Variants in DCX observed in about 807,000 individuals in gnomAD.
DCX encodes neuronal migration protein doublecortin.
Under a neutral mutation model 20.9 loss-of-function variants are expected in DCX, and 4 were observed. That is an observed-to-expected ratio of 0.19 (90% confidence interval 0.09 to 0.44). The LOEUF is 0.44. Among genes scored for constraint, DCX ranks in the 20% least tolerant of loss-of-function variants. The pLI is 0.99. For synonymous variants in DCX, 103 were observed against 111.4 expected (o/e 0.92, Z 0.47); for missense variants, 133 against 296.9 (o/e 0.45, Z 4.06).
At chrX:111,330,813 G>T in intron 5 of DCX, 91 bp downstream of exon 5, 1 of 1,124,786 alleles carries the variant, frequency 8.9e-7, no homozygotes, top group Admixed American at 2.2e-5. Context: ...GAGACACAGT[G>T]GTGTTCATGA....
intron 3 of DCX, among the ~76,000 whole-genome samples, chrX:111,367,516 G>A (rs1014354284): frequency 9.0e-6 from 1 of 111,656 alleles, no homozygotes; most frequent in African/African-American, 3.3e-5. Context: ...GCTAAATGCT[G>A]GACTACCTCC....
At chrX:111,303,531 T>C (rs2095038662) in intron 6 of DCX, among the ~76,000 whole-genome samples, 1 of 111,672 alleles carries the variant, frequency 9.0e-6, no homozygotes, top group South Asian at 3.8e-4. Context: ...AAAATGCTTT[T>C]TGCTGAGAAA....
At chrX:111,340,696 C>T (rs777054637) in intron 3 of DCX, among the ~76,000 whole-genome samples, 1 of 111,420 alleles carries the variant, frequency 9.0e-6, no homozygotes, top group Non-Finnish European at 1.9e-5. Context: ...TGTTCTCCAG[C>T]CTCCTTGAGT....
rs5985324 is a variant in DCX, at chrX:111,316,097, A to T, written c.947-3361T>A. Among the ~76,000 whole-genome samples, 619 of 105,714 alleles carry T rather than the reference A, an allele frequency of 5.9e-3. 7 individuals carry two copies. Among genetic ancestry groups the T allele is most frequent in the Admixed American group, 6.5e-3 (65 of 10,024 alleles). The allele number at this position is 105,714 out of a possible 115,157, so 91.8% of individuals were successfully genotyped here. A position where few individuals can be genotyped will look rare whatever the true frequency, so the allele number is the denominator to read the frequency against. On this transcript the variant is annotated intron_variant, in intron 5 of 6. Coordinates refer to ENST00000636035, the MANE Select transcript of DCX (RefSeq NM_001195553.2). ...AGTATAATAAAAAATAAAAAAAAAAAAAAAAAAAAAAAATGTTAAGGGTCA... is the reference window on the plus strand; with the variant it reads ...AGTATAATAAAAAATAAAAAAAAAATAAAAAAAAAAAAATGTTAAGGGTCA...
intron 3 of DCX, among the ~76,000 whole-genome samples, chrX:111,364,963 C>T (rs1260368446): frequency 9.1e-6 from 1 of 110,252 alleles, no homozygotes; most frequent in Non-Finnish European, 1.9e-5. Flanking sequence ...CACTGTGAGG[C>T]TCACTGCAGC....
chrX:111,354,754 G>A (rs1923590573), intron 3 of DCX, among the ~76,000 whole-genome samples: 1 of 112,598 alleles, frequency 8.9e-6, no homozygotes, highest in African/African-American at 3.2e-5. Context: ...AAGCAAAGCA[G>A]CCCCTTTTTA....
chrX:111,321,357 G>A lies in DCX; in HGVS notation c.947-8621C>T, dbSNP rs763965803. On this transcript the variant is annotated intron_variant, in intron 5 of 6. Coordinates refer to ENST00000636035, the MANE Select transcript of DCX (RefSeq NM_001195553.2). ...CAGCACAATTGCCAAGCTTGGTCCT[G>A]CAGTCTTGGTTCACTGGCTCCTCTG... Among the ~76,000 whole-genome samples the A allele has an allele frequency of 4.9e-4, 55 of 111,639 alleles. No homozygotes were observed. In the Admixed American group the frequency reaches 5.2e-3, roughly 10 times the overall value.
At chrX:111,334,576 A>G (rs1288629086) in intron 3 of DCX, among the ~76,000 whole-genome samples, 1 of 112,402 alleles carries the variant, frequency 8.9e-6, no homozygotes, top group Admixed American at 9.4e-5. Context: ...TATTGTCATT[A>G]CTATTTTAGG....
chrX:111,329,816 T>G (rs1300096160), intron 5 of DCX, among the ~76,000 whole-genome samples: 1 of 112,297 alleles, frequency 8.9e-6, no homozygotes, highest in Non-Finnish European at 1.9e-5. Flanking sequence ...CAGCATTTCA[T>G]AGCCATCAGG....
chrX:111,375,689 A>G (rs956253006), intron 3 of DCX, among the ~76,000 whole-genome samples: 8 of 111,971 alleles, frequency 7.1e-5, no homozygotes, highest in African/African-American at 2.6e-4. Flanking sequence ...AAAATCAGTT[A>G]CCCAAGCCAG....
At position 111,297,055 on chromosome X, in the gene DCX, A is replaced by G. The variant is rs2147561112; in HGVS notation, c.*4632T>C. 8.9e-6 allele frequency: 1 copy of G among 112,160 alleles called. No homozygotes were observed. Among genetic ancestry groups the G allele is most frequent in the East Asian group, 2.8e-4 (1 of 3,532 alleles). The allele number at this position is 112,160 out of a possible 1,213,427, so 9.2% of individuals were successfully genotyped here. ...CCAAAACACTTATGGTTCACTTGGG[A>G]GACCAGTCTGGGACTTAAAGCCAAA... On this transcript the variant is annotated 3_prime_UTR_variant, in exon 7 of 7. Transcript: ENST00000636035.
chrX:111,368,573 T>C (rs2147704918), intron 3 of DCX, among the ~76,000 whole-genome samples: 1 of 111,300 alleles, frequency 9.0e-6, no homozygotes, highest in East Asian at 2.8e-4. Flanking sequence ...TTGAACGACT[T>C]AATAACATTG....
At chrX:111,329,604 G>A (rs2095107379) in intron 5 of DCX, among the ~76,000 whole-genome samples, 1 of 111,637 alleles carries the variant, frequency 9.0e-6, no homozygotes, top group Non-Finnish European at 1.9e-5. Flanking sequence ...ATGAATAGGA[G>A]TTTTCAAGCA....
intron 5 of DCX, 60 bp downstream of exon 5, chrX:111,330,844 C>A: frequency 8.3e-7 from 1 of 1,199,039 alleles, no homozygotes; most frequent in East Asian, 3.0e-5. Flanking sequence ...CCTCTGCATG[C>A]AGAAAGTATT....
intron 5 of DCX, among the ~76,000 whole-genome samples, chrX:111,319,426 C>G (rs1322176509): frequency 9.0e-6 from 1 of 111,398 alleles, no homozygotes; most frequent in African/African-American, 3.3e-5. Context: ...ACCATACAAC[C>G]ACCCAAAGAA....
rs1415497893 is a variant in DCX at position 111,377,884 on chromosome X, A to G, written c.705+23106T>C. 1.2e-4 allele frequency among the ~76,000 whole-genome samples: 13 copies of G among 110,917 alleles called. 1 individual carries two copies. Among genetic ancestry groups the G allele is most frequent in the Admixed American group, 8.7e-4 (9 of 10,306 alleles). On this transcript the variant is annotated intron_variant, in intron 3 of 6. Coordinates refer to ENST00000636035, the MANE Select transcript of DCX (RefSeq NM_001195553.2). ...TTGTCTTCATAATATAACTGTGGAA[A>G]CTAAGGCACAAAGAGCCCAAAGGAC...
At chrX:111,337,612 T>C (rs1180104767) in intron 3 of DCX, among the ~76,000 whole-genome samples, 1 of 112,261 alleles carries the variant, frequency 8.9e-6, no homozygotes, top group African/African-American at 3.2e-5. Context: ...CCACATATTA[T>C]AGATGCTGGC....
chrX:111,307,144 A>G (rs887284736), intron 6 of DCX, among the ~76,000 whole-genome samples: 1 of 110,619 alleles, frequency 9.0e-6, no homozygotes, highest in Non-Finnish European at 1.9e-5. Context: ...ATTCTATACT[A>G]TGTGAATTAT....
At chrX:111,351,244 G>A (rs192590383) in intron 3 of DCX, among the ~76,000 whole-genome samples, 67 of 111,815 alleles carry the variant, frequency 6.0e-4, no homozygotes, top group African/African-American at 2.1e-3. Flanking sequence ...TTTGCCAAAC[G>A]ACTTTAGTCA....
Sources: allele counts gnomAD v4.1 joint callset (sites outside exome capture counted in the v4.1 genomes callset), GRCh38; gene constraint gnomAD v4.1.1; transcripts MANE v1.5; gene names NCBI Gene and HGNC (gene_info 2026-07-23, HGNC 2026-07-21).